The following ROBO2 variants were observed in gnomAD, a reference collection of about 807,000 sequenced individuals.
The protein encoded by ROBO2 is roundabout homolog 2.
In ROBO2, 53 loss-of-function variants were observed where a neutral mutation model predicts 160.8. The ratio of observed to expected loss-of-function variants is 0.33; its 90% CI spans 0.26 to 0.41. The LOEUF is 0.41. Ranked by LOEUF, ROBO2 falls within the 10% of genes least tolerant of loss-of-function variation. The pLI, the probability that ROBO2 is intolerant of heterozygous loss-of-function variation, is 1.00. For missense variants in ROBO2, 1,577 were observed against 1,722.4 expected, an observed-to-expected ratio of 0.92 and a Z score of 1.49; for synonymous variants, 664 against 611.7, an observed-to-expected ratio of 1.09 and a Z score of -1.26.
intron 2 of ROBO2, among the ~76,000 whole-genome samples, chr3:76,066,365 T>G (rs950530378): frequency 6.6e-6 from 1 of 152,106 alleles, no homozygotes; most frequent in Non-Finnish European, 1.5e-5. Flanking sequence ...AAATGAATAC[T>G]CAAAATTATT....
At chr3:77,086,982 T>C (rs2069409461) in intron 1 of ROBO2, among the ~76,000 whole-genome samples, 1 of 152,190 alleles carries the variant, frequency 6.6e-6, no homozygotes, top group Non-Finnish European at 1.5e-5. Flanking sequence ...ATTAACTAAG[T>C]ATTTAACAAA....
intron 2 of ROBO2, among the ~76,000 whole-genome samples, chr3:76,188,886 G>A (rs1033483218): frequency 6.6e-6 from 1 of 152,052 alleles, no homozygotes; most frequent in African/African-American, 2.4e-5. Context: ...TACAGTGTTG[G>A]AGAAGTCAAG....
At chr3:76,129,059 C>CA (rs572494628) in intron 2 of ROBO2, among the ~76,000 whole-genome samples, 2,404 of 126,660 alleles carry the variant, frequency 0.019, 37 homozygotes, top group African/African-American at 0.042. Context: ...TTTGTCATTT[C>CA]AAAAAAAAAA....
At chr3:77,241,269 T>C (rs923519363) in intron 2 of ROBO2, among the ~76,000 whole-genome samples, 5 of 152,232 alleles carry the variant, frequency 3.3e-5, no homozygotes, top group Admixed American at 2.6e-4. Context: ...TAGTTCTATA[T>C]ACTGATAAAT....
chr3:76,603,794 G>T (rs1361962443), intron 2 of ROBO2, among the ~76,000 whole-genome samples: 1 of 151,862 alleles, frequency 6.6e-6, no homozygotes, highest in Admixed American at 6.6e-5. Context: ...TCGTATAAGT[G>T]GTCACTGGCA....
At chr3:76,367,122 A>C (rs2075856510) in intron 2 of ROBO2, among the ~76,000 whole-genome samples, 1 of 152,054 alleles carries the variant, frequency 6.6e-6, no homozygotes, top group African/African-American at 2.4e-5. Flanking sequence ...TTATCTTAGA[A>C]GATGATTGCA....
At chr3:76,246,072 C>T (rs1300034501) in intron 2 of ROBO2, among the ~76,000 whole-genome samples, 1 of 151,538 alleles carries the variant, frequency 6.6e-6, no homozygotes, top group Non-Finnish European at 1.5e-5. Flanking sequence ...ATGGAAGAGC[C>T]CATTGAAAAT....
intron 2 of ROBO2, among the ~76,000 whole-genome samples, chr3:77,350,466 C>G (rs896249773): frequency 1.3e-5 from 2 of 152,142 alleles, no homozygotes; most frequent in Non-Finnish European, 2.9e-5. Context: ...TGGAGATGCT[C>G]TTAACATTTC....
chr3:76,544,310 T>A (rs1423912426), intron 2 of ROBO2, among the ~76,000 whole-genome samples: 1 of 152,024 alleles, frequency 6.6e-6, no homozygotes, highest in East Asian at 1.9e-4. Context: ...TAAAGGTTGA[T>A]TTCACCCCAT....
At chr3:76,494,458 T>C (rs962858675) in intron 2 of ROBO2, among the ~76,000 whole-genome samples, 6 of 152,278 alleles carry the variant, frequency 3.9e-5, no homozygotes, top group Admixed American at 3.9e-4. Flanking sequence ...GGCAAGTAAC[T>C]AAACTACGGG....
intron 2 of ROBO2, among the ~76,000 whole-genome samples, chr3:76,830,884 G>T (rs1273429201): frequency 6.6e-6 from 1 of 151,028 alleles, no homozygotes; most frequent in African/African-American, 2.4e-5. Flanking sequence ...AGCAATTCAA[G>T]AGGCTGAAGT....
intron 2 of ROBO2, among the ~76,000 whole-genome samples, chr3:76,736,493 C>CA (rs1337840554): frequency 6.6e-6 from 1 of 151,956 alleles, no homozygotes; most frequent in Non-Finnish European, 1.5e-5. Context: ...AATTCACACA[C>CA]AAAAAACTGA....
intron 9 of ROBO2, 67 bp downstream of exon 10, chr3:77,558,216 C>T: frequency 7.7e-7 from 1 of 1,301,468 alleles, no homozygotes; most frequent in Non-Finnish European, 1.1e-6. Context: ...GGAAAAATTG[C>T]ATAGTGAACT....
intron 2 of ROBO2, among the ~76,000 whole-genome samples, chr3:77,178,868 A>G (rs796381750): frequency 2.0e-5 from 3 of 152,130 alleles, no homozygotes; most frequent in African/African-American, 7.2e-5. Flanking sequence ...GTTAAGAAAT[A>G]CTTACGCTGT....
chr3:76,208,973 G>A (rs1702977239), intron 2 of ROBO2, among the ~76,000 whole-genome samples: 1 of 152,112 alleles, frequency 6.6e-6, no homozygotes, highest in Non-Finnish European at 1.5e-5. Context: ...TGAAACAAAT[G>A]TGAATTTTGT....
At chr3:77,301,792 A>G (rs1018811924) in intron 2 of ROBO2, among the ~76,000 whole-genome samples, 1 of 152,148 alleles carries the variant, frequency 6.6e-6, no homozygotes, top group African/African-American at 2.4e-5. Context: ...GGTTAAATGT[A>G]TCACTCTGGG....
chr3:77,271,142 A>G (rs2059465663), intron 2 of ROBO2, among the ~76,000 whole-genome samples: 1 of 152,112 alleles, frequency 6.6e-6, no homozygotes, highest in African/African-American at 2.4e-5. Context: ...TAATATATAC[A>G]ATAAATCAAC....
chr3:77,249,798 G>T lies in ROBO2; in HGVS notation c.388+151458G>T, dbSNP rs1046349038. ...CTTACACCAATCAAATTTGAATATA[G>T]CTACTATATTTTATTATTATTATTA... On this transcript the variant is annotated intron_variant, in intron 2 of 25. Coordinates refer to ENST00000461745, the Ensembl canonical transcript of ROBO2. Among the ~76,000 whole-genome samples the T allele has an allele frequency of 4.2e-4, 63 of 151,450 alleles. 1 individual carries two copies. Among genetic ancestry groups the T allele is most frequent in the African/African-American group, 1.4e-3 (59 of 41,366 alleles).
chr3:76,013,651 G>A (rs1434988454), intron 2 of ROBO2, among the ~76,000 whole-genome samples: 1 of 151,704 alleles, frequency 6.6e-6, no homozygotes, highest in Non-Finnish European at 1.5e-5. Flanking sequence ...GGCGCCTGAT[G>A]TGTATAATCC....
Sources: allele counts gnomAD v4.1 joint callset (sites outside exome capture counted in the v4.1 genomes callset), GRCh38; gene constraint gnomAD v4.1.1; transcripts MANE v1.5; gene names NCBI Gene and HGNC (gene_info 2026-07-23, HGNC 2026-07-21).